ATP11C: variants seen among roughly 807,000 people sequenced by gnomAD.
ATP11C encodes phospholipid-transporting ATPase IG.
Under a neutral mutation model 97.4 loss-of-function variants are expected in ATP11C, and 36 were observed. The observed-to-expected ratio is 0.37, with a 90% confidence interval of 0.28 to 0.49. The LOEUF (loss-of-function observed/expected upper bound fraction) is 0.49, where lower values mean the gene tolerates loss of function less well. Among genes scored for constraint, ATP11C ranks in the 20% least tolerant of loss-of-function variants. The pLI, the probability that ATP11C is intolerant of heterozygous loss-of-function variation, is 0.98. For synonymous variants in ATP11C, 275 were observed against 290.9 expected (o/e 0.95, Z 0.56); for missense variants, 730 against 824.6 (o/e 0.89, Z 1.40).
chrX:139,804,372 A>G lies in ATP11C; in HGVS notation c.555+99T>C, dbSNP rs189730618. 3 of 661,315 alleles carry G rather than the reference A, an allele frequency of 4.5e-6. No individual in the cohort carries two copies. The Admixed American group carries it at 1.2e-4, about 26-fold the overall frequency. The allele number at this position is 661,315 out of a possible 1,213,427, so 54.5% of individuals were successfully genotyped here. Reference sequence around the variant, plus strand: ...CAAATATAAAACCTAAGAAAAAATAAAAATAAGAAAAAATAAAAGATTAGA... The same window carrying G: ...CAAATATAAAACCTAAGAAAAAATAGAAATAAGAAAAAATAAAAGATTAGA... On this transcript the variant is annotated intron_variant, in intron 6 of 29. Transcript: ENST00000682941.
At chrX:139,931,724 TCCC>T (rs1490448749) in intron 1 of ATP11C, among the ~76,000 whole-genome samples, 1 of 104,822 alleles carries the variant, frequency 9.5e-6, no homozygotes, top group African/African-American at 3.5e-5. Context: ...CCCCCACGAG[TCCC>T]CCCCACCACC....
intron 16 of ATP11C, among the ~76,000 whole-genome samples, chrX:139,783,492 T>C (rs2082507308): frequency 8.9e-6 from 1 of 112,057 alleles, no homozygotes; most frequent in African/African-American, 3.2e-5. Flanking sequence ...AGCCAGAGTT[T>C]ACAATAGGCA....
At position 139,797,200 on chromosome X, in the gene ATP11C, A is replaced by C; in HGVS notation, c.984T>G (p.Thr328=). Residue 328 remains threonine, a synonymous_variant, in exon 11 of 30, where the codon ACT becomes ACG. Transcript: ENST00000682941. ...YNDEPWYNQK[T]QKERETLKVL... ...CCTTCAAGGTCTCTCGCTCTTTCTG[A>C]GTCTTTTGGTTATACCAAGGTTCAT... 8.3e-7 allele frequency: 1 copy of C among 1,201,511 alleles called. No homozygotes were observed. Among genetic ancestry groups the C allele is most frequent in the Non-Finnish European group, 1.1e-6 (1 of 892,657 alleles).
intron 1 of ATP11C, among the ~76,000 whole-genome samples, chrX:139,863,008 G>C (rs866076611): frequency 9.0e-6 from 1 of 111,221 alleles, no homozygotes; most frequent in African/African-American, 3.3e-5. Context: ...GTTCTAGTAA[G>C]AACAGAAACC....
At position 139,865,402 on chromosome X, in the gene ATP11C, T is replaced by C. The variant is rs144399782; in HGVS notation, c.28-38579A>G. ...TTTTAAGATTTTGTCCTTTAGGTAT[T>C]CACATATCTAATTTAAATACAAACT... is the stretch of plus-strand genomic sequence containing the variant. On this transcript the variant is annotated intron_variant, in intron 1 of 29. Coordinates refer to ENST00000682941, the MANE Select transcript of ATP11C (RefSeq NM_001353812.2). 5.6e-3 allele frequency among the ~76,000 whole-genome samples: 624 copies of C among 111,720 alleles called. 6 individuals carry two copies. The highest frequency in any genetic ancestry group is 0.019 in the African/African-American group (587 of 30,712).
At chrX:139,916,953 A>G (rs1240118588) in intron 1 of ATP11C, among the ~76,000 whole-genome samples, 3 of 111,463 alleles carry the variant, frequency 2.7e-5, no homozygotes, top group Non-Finnish European at 5.6e-5. Context: ...TAAATATCTC[A>G]GAAGTAAACT....
intron 29 of ATP11C, among the ~76,000 whole-genome samples, chrX:139,730,653 G>A (rs1156928551): frequency 9.0e-6 from 1 of 111,226 alleles, no homozygotes; most frequent in Admixed American, 9.5e-5. Flanking sequence ...TAGCTTCAAA[G>A]TGAACTAACC....
chrX:139,735,942 G>A (rs1321312573), intron 28 of ATP11C, among the ~76,000 whole-genome samples: 1 of 111,546 alleles, frequency 9.0e-6, no homozygotes, highest in Non-Finnish European at 1.9e-5. Context: ...AACAAGGGTA[G>A]GAATAAATGA....
At chrX:139,820,316 G>T (rs529590072) in intron 2 of ATP11C, among the ~76,000 whole-genome samples, 1 of 110,813 alleles carries the variant, frequency 9.0e-6, no homozygotes. Context: ...CACGAGAATC[G>T]CTTGAACCCA....
chrX:139,920,136 G>A (rs1040302417), intron 1 of ATP11C, among the ~76,000 whole-genome samples: 1 of 110,444 alleles, frequency 9.1e-6, no homozygotes, highest in Non-Finnish European at 1.9e-5. Flanking sequence ...GAGCCGGGCG[G>A]ATGACCTGAG....
intron 1 of ATP11C, among the ~76,000 whole-genome samples, chrX:139,843,618 T>A (rs769979378): frequency 1.2e-4 from 13 of 111,633 alleles, no homozygotes; most frequent in African/African-American, 4.2e-4. Flanking sequence ...CAAGGGATGA[T>A]GAAGAACAGA....
intron 1 of ATP11C, among the ~76,000 whole-genome samples, chrX:139,891,314 G>A (rs1185660102): frequency 9.0e-6 from 1 of 110,683 alleles, no homozygotes; most frequent in African/African-American, 3.3e-5. Flanking sequence ...TAATACCTGA[G>A]TGACAAAATA....
chrX:139,738,127 G>T, intron 27 of ATP11C, 58 bp from the exon 28 acceptor site: 7 of 957,612 alleles, frequency 7.3e-6, no homozygotes, highest in Non-Finnish European at 9.9e-6. Context: ...CATATGAAAT[G>T]GACATTTAAT....
chrX:139,852,477 G>C lies in ATP11C; in HGVS notation c.28-25654C>G, dbSNP rs763675835. On this transcript the variant is annotated intron_variant, in intron 1 of 29. Coordinates refer to ENST00000682941, the MANE Select transcript of ATP11C (RefSeq NM_001353812.2). ...CGGGGGGGGGGGGGGGGGGGGGGGG[G>C]GGGGAACTGGCCAGCGACCTAGCTT... 7.3e-4 allele frequency among the ~76,000 whole-genome samples: 19 copies of C among 25,963 alleles called. 2 individuals carry two copies. Among genetic ancestry groups the C allele is most frequent in the African/African-American group, 1.7e-3 (16 of 9,234 alleles). 22.5% of individuals were successfully genotyped at this position (25,963 alleles called of 115,157 possible). A position where few individuals can be genotyped will look rare whatever the true frequency, so the allele number is the denominator to read the frequency against.
At position 139,819,373 on chromosome X, in the gene ATP11C, C is replaced by A; in HGVS notation, c.202G>T (p.Ala68Ser). 2 of 1,145,216 alleles carry A rather than the reference C, an allele frequency of 1.7e-6. No homozygotes were observed. Among genetic ancestry groups the A allele is most frequent in the South Asian group, 2.1e-5 (1 of 47,322 alleles). The allele number at this position is 1,145,216 out of a possible 1,213,427, so 94.4% of individuals were successfully genotyped here. Reference sequence around the variant, plus strand: ...AAGATTATGAGAAAATAAAAATTTGCAATTCTTCTAAACTGTTCAAACAGA... The same window carrying A: ...AAGATTATGAGAAAATAAAAATTTGAAATTCTTCTAAACTGTTCAAACAGA... ...KNLFEQFRRI[A>S]NFYFLIIFLV... is the part of the protein sequence containing the mutation. The change falls in exon 3 of 30, where the codon GCA becomes TCA. Residue 68 changes from alanine to serine, a missense_variant. Ala to Ser is a moderately conservative substitution (Grantham distance 99, BLOSUM62 1). Transcript: ENST00000682941.
chrX:139,886,145 A>G lies in ATP11C; in HGVS notation c.27+45871T>C, dbSNP rs537898575. 1.2e-4 allele frequency among the ~76,000 whole-genome samples: 13 copies of G among 112,032 alleles called. 1 individual carries two copies. The South Asian group carries it at 4.5e-3, about 39-fold the overall frequency. ...CTATCCAGAAAATATAAAAGAATCT[A>G]TAAGAGACTACTAGATATAATTAGT... On this transcript the variant is annotated intron_variant, in intron 1 of 29. Transcript: ENST00000682941.
chrX:139,900,991 G>C (rs146311231), intron 1 of ATP11C, among the ~76,000 whole-genome samples: 174 of 111,932 alleles, frequency 1.6e-3, no homozygotes, highest in African/African-American at 5.2e-3. Context: ...TGTTTGGAAG[G>C]CTGCTACTTA....
At chrX:139,865,961 T>C (rs1387684524) in intron 1 of ATP11C, among the ~76,000 whole-genome samples, 1 of 111,467 alleles carries the variant, frequency 9.0e-6, no homozygotes. Context: ...AGTAATACTT[T>C]TTCAATGTTT....
chrX:139,934,803 C>A (rs1001404487), upstream of ATP11C, among the ~76,000 whole-genome samples: 3 of 111,275 alleles, frequency 2.7e-5, no homozygotes, highest in African/African-American at 9.8e-5. Context: ...CCCGCCTCGG[C>A]CTCCCAAAGT....
Sources: gnomAD v4.1 joint callset for allele counts (sites outside exome capture counted in the v4.1 genomes callset) on GRCh38, gnomAD v4.1.1 for gene constraint, MANE v1.5 for transcripts, NCBI Gene and HGNC (gene_info 2026-07-23, HGNC 2026-07-21) for gene names.